PLSCR2: variants seen among roughly 807,000 people sequenced by gnomAD.
The protein encoded by PLSCR2 is phospholipid scramblase 2.
Under a neutral mutation model 25.3 loss-of-function variants are expected in PLSCR2, and 18 were observed. The ratio of observed to expected loss-of-function variants is 0.71; its 90% CI spans 0.49 to 1.06. PLSCR2 has a LOEUF of 1.06. PLSCR2 is among the 50% of genes least tolerant of loss of function. The pLI, the probability that PLSCR2 is intolerant of heterozygous loss-of-function variation, is 0.00. For missense variants in PLSCR2, 243 were observed against 269.5 expected, an observed-to-expected ratio of 0.90 and a Z score of 0.69; for synonymous variants, 88 against 87.3, an observed-to-expected ratio of 1.01 and a Z score of -0.04.
At chr3:146,478,147 A>G (rs2042990342) in intron 1 of PLSCR2, among the ~76,000 whole-genome samples, 1 of 152,026 alleles carries the variant, frequency 6.6e-6, no homozygotes, top group Admixed American at 6.5e-5. Context: ...GAGAAACCAA[A>G]GCAGAAAATT....
intron 2 of PLSCR2, among the ~76,000 whole-genome samples, chr3:146,420,864 T>G (rs1453773958): frequency 6.6e-6 from 1 of 152,098 alleles, no homozygotes; most frequent in African/African-American, 2.4e-5. Context: ...TCATGAAATC[T>G]CATACATACA....
chr3:146,470,585 A>G (rs906174557), intron 1 of PLSCR2, among the ~76,000 whole-genome samples: 5 of 152,040 alleles, frequency 3.3e-5, no homozygotes, highest in Admixed American at 2.6e-4. Flanking sequence ...CCAAACAATA[A>G]CACCATATAT....
At chr3:146,483,737 TA>T (rs2043242522) in intron 1 of PLSCR2, among the ~76,000 whole-genome samples, 1 of 150,586 alleles carries the variant, frequency 6.6e-6, no homozygotes, top group Non-Finnish European at 1.5e-5. Context: ...CAGGAAGCAG[TA>T]ACAACAGCAT....
At chr3:146,433,874 G>A (rs1378802348) in intron 8 of PLSCR2, among the ~76,000 whole-genome samples, 1 of 152,194 alleles carries the variant, frequency 6.6e-6, no homozygotes, top group African/African-American at 2.4e-5. Context: ...GGCTTTGGTA[G>A]AGTTCTGCTG....
chr3:146,439,358 C>A (rs1057509895), downstream of PLSCR2, among the ~76,000 whole-genome samples: 3 of 152,182 alleles, frequency 2.0e-5, no homozygotes, highest in East Asian at 1.9e-4. Context: ...TGGATAATAT[C>A]CTGAAGTGTG....
In PLSCR2 at chr3:146,460,092, G is replaced by A; in HGVS notation, c.-179-9C>T. 1 of 1,493,374 alleles carries A rather than the reference G, an allele frequency of 6.7e-7. No individual in the cohort carries two copies. The highest frequency in any genetic ancestry group is 2.5e-5 in the East Asian group (1 of 39,966). 92.5% of individuals were successfully genotyped at this position (1,493,374 alleles called of 1,614,324 possible). A position where few individuals can be genotyped will look rare whatever the true frequency, so the allele number is the denominator to read the frequency against. Reference sequence around the variant, plus strand: ...AATATGTCCGGGAGGTCCTGAAATAGGAGCAAGTAAAATAATTTGTAGCTG... The same window carrying A: ...AATATGTCCGGGAGGTCCTGAAATAAGAGCAAGTAAAATAATTTGTAGCTG... On this transcript the variant is annotated splice_polypyrimidine_tract_variant and intron_variant, in intron 1 of 6. Transcript: ENST00000610787.
At chr3:146,398,527 A>T (rs2038350628) in intron 2 of PLSCR2, 1 of 151,364 alleles carries the variant, frequency 6.6e-6, no homozygotes, top group African/African-American at 2.4e-5. Context: ...TTTTTTTTAA[A>T]AAGCAAATAG....
At chr3:146,443,441 A>G (rs2040365726) in intron 6 of PLSCR2, among the ~76,000 whole-genome samples, 1 of 151,402 alleles carries the variant, frequency 6.6e-6, no homozygotes, top group Non-Finnish European at 1.5e-5. Flanking sequence ...TGATCTTATT[A>G]CTTATTGACT....
chr3:146,495,678 GGAAGTACA>G (rs2043721162), intron 1 of PLSCR2, among the ~76,000 whole-genome samples: 1 of 152,154 alleles, frequency 6.6e-6, no homozygotes, highest in Non-Finnish European at 1.5e-5. Context: ...CCCAGCCTCT[GGAAGTACA>G]GAAACCAGTT....
intron 4 of PLSCR2, among the ~76,000 whole-genome samples, chr3:146,454,712 G>A (rs2041096280): frequency 6.6e-6 from 1 of 152,070 alleles, no homozygotes; most frequent in African/African-American, 2.4e-5. Context: ...TATCCATTTA[G>A]GATATCCCTT....
rs187486196 is a variant in PLSCR2 at position 146,418,485 on chromosome 3, G to A, written c.101-22564C>T. Among the ~76,000 whole-genome samples the A allele has an allele frequency of 3.7e-3, 564 of 152,274 alleles. 9 individuals are homozygous for A. The highest frequency in any genetic ancestry group is 0.012 in the African/African-American group (498 of 41,560). ...GTTACTCTTTTCATAACACAATGTAGGACAGGCATAGTTTCCCTGTTAGAG... is the reference window on the plus strand; with the variant it reads ...GTTACTCTTTTCATAACACAATGTAAGACAGGCATAGTTTCCCTGTTAGAG... On this transcript the variant is annotated intron_variant and NMD_transcript_variant, in intron 2 of 3. Coordinates refer to the PLSCR2 transcript ENST00000463633.
At chr3:146,490,577 T>A (rs1193753000) in intron 1 of PLSCR2, among the ~76,000 whole-genome samples, 1 of 150,142 alleles carries the variant, frequency 6.7e-6, no homozygotes, top group African/African-American at 2.5e-5. Context: ...GATAGTTAAG[T>A]CTTTTTGTTG....
upstream of PLSCR2, chr3:146,461,696 T>G (rs2041582842): frequency 9.0e-6 from 5 of 553,624 alleles, no homozygotes; most frequent in Non-Finnish European, 6.4e-6. Flanking sequence ...TGTAAGGAAT[T>G]TAGCATGTTC....
At chr3:146,469,766 G>A (rs2042037907) in intron 1 of PLSCR2, among the ~76,000 whole-genome samples, 1 of 145,564 alleles carries the variant, frequency 6.9e-6, no homozygotes, top group African/African-American at 2.6e-5. Flanking sequence ...CGAGCTGGGG[G>A]CGCGACTGCA....
downstream of PLSCR2, among the ~76,000 whole-genome samples, chr3:146,432,882 G>GGT (rs1246311409): frequency 5.3e-5 from 8 of 151,918 alleles, no homozygotes; most frequent in African/African-American, 1.9e-4. Flanking sequence ...TCTGCTTTAT[G>GGT]GTAAATCCAT....
At chr3:146,474,324 C>A (rs142710887) in intron 1 of PLSCR2, among the ~76,000 whole-genome samples, 1 of 152,126 alleles carries the variant, frequency 6.6e-6, no homozygotes, top group East Asian at 1.9e-4. Flanking sequence ...ATTTCCACGG[C>A]ACCAAGGGGG....
chr3:146,486,008 C>T (rs1455993049), intron 1 of PLSCR2, among the ~76,000 whole-genome samples: 1 of 152,076 alleles, frequency 6.6e-6, no homozygotes, highest in Non-Finnish European at 1.5e-5. Flanking sequence ...TCTCCCACAA[C>T]ATGTGGAAAT....
chr3:146,482,127 G>A (rs190528441), intron 1 of PLSCR2, among the ~76,000 whole-genome samples: 13 of 151,964 alleles, frequency 8.6e-5, no homozygotes, highest in African/African-American at 3.1e-4. Flanking sequence ...AAAACCCTAG[G>A]AGAAAACCTA....
chr3:146,441,636 A>G (rs975163307), downstream of PLSCR2: 1 of 549,988 alleles, frequency 1.8e-6, no homozygotes, highest in Admixed American at 3.9e-5. Context: ...TCAGAGCTAC[A>G]AGCATCATAG....
Sources: allele counts gnomAD v4.1 joint callset (sites outside exome capture counted in the v4.1 genomes callset), GRCh38; gene constraint gnomAD v4.1.1; transcripts MANE v1.5; gene names NCBI Gene and HGNC (gene_info 2026-07-23, HGNC 2026-07-21).